The following EHBP1 variants were observed in gnomAD, a reference collection of about 807,000 sequenced individuals.
EHBP1 encodes the protein EH domain binding protein 1, also known as EH domain-binding protein 1.
A neutral mutation model predicts 144.0 loss-of-function variants in EHBP1; 55 were observed. That is an observed-to-expected ratio of 0.38 (90% CI 0.31 to 0.48). The LOEUF is 0.48. EHBP1 is among the 20% of genes least tolerant of loss of function. EHBP1 has a pLI of 0.98. For synonymous variants in EHBP1, 469 were observed against 472.7 expected (o/e 0.99, Z 0.10); for missense variants, 1,200 against 1,364.2 (o/e 0.88, Z 1.90).
At chr2:63,000,881 G>A (rs1213105804) in intron 19 of EHBP1, among the ~76,000 whole-genome samples, 1 of 151,944 alleles carries the variant, frequency 6.6e-6, no homozygotes, top group Non-Finnish European at 1.5e-5. Flanking sequence ...TTAGTTTCTA[G>A]TACTTTAACT....
chr2:62,996,851 GA>G (rs1336582047), intron 19 of EHBP1, 85 bp downstream of exon 19: 1 of 1,555,722 alleles, frequency 6.4e-7, no homozygotes, highest in African/African-American at 1.4e-5. Context: ...GTGAATCTTT[GA>G]AGCCTGAATG....
chr2:62,989,355 A>G (rs925445403), intron 15 of EHBP1, among the ~76,000 whole-genome samples: 2 of 152,136 alleles, frequency 1.3e-5, no homozygotes, highest in African/African-American at 4.8e-5. Flanking sequence ...TGGAAGTATA[A>G]AAGCATAAAA....
chr2:62,747,589 A>G, intron 3 of EHBP1, 137 bp downstream of exon 3: 1 of 683,092 alleles, frequency 1.5e-6, no homozygotes, highest in Non-Finnish European at 2.5e-6. Flanking sequence ...AAATGGATTG[A>G]TCAGATGCTA....
At chr2:62,885,908 T>C (rs887190872) in intron 10 of EHBP1, among the ~76,000 whole-genome samples, 11 of 152,222 alleles carry the variant, frequency 7.2e-5, no homozygotes, top group African/African-American at 2.4e-4. Flanking sequence ...CTGTATCTTA[T>C]GGCTCAGCTA....
chr2:62,888,524 A>G (rs2052137849), intron 10 of EHBP1, among the ~76,000 whole-genome samples: 1 of 152,234 alleles, frequency 6.6e-6, no homozygotes, highest in African/African-American at 2.4e-5. Flanking sequence ...TGAGAATTGA[A>G]TTACCATTTT....
Position 62,745,080 on chromosome 2 carries a change from T to C in EHBP1, c.105-2315T>C, listed in dbSNP as rs374084402. ...TTGGATGAGTTGCAGAGATGATGTA[T>C]TATATAGCTACTGGCTTCAGTTGGA... On this transcript the variant is annotated intron_variant, in intron 2 of 22. Transcript: ENST00000431489. Among the ~76,000 whole-genome samples the C allele has an allele frequency of 3.9e-4, 60 of 152,258 alleles. No homozygotes were observed. In the East Asian group the frequency reaches 9.3e-3, roughly 24 times the overall value.
chr2:62,892,302 T>A (rs765110119), intron 10 of EHBP1, among the ~76,000 whole-genome samples: 17 of 152,120 alleles, frequency 1.1e-4, no homozygotes, highest in Non-Finnish European at 2.4e-4. Context: ...AGGTGGGTGT[T>A]TTTTGGTTTT....
At chr2:62,843,982 T>C (rs2048112482) in intron 7 of EHBP1, among the ~76,000 whole-genome samples, 1 of 152,210 alleles carries the variant, frequency 6.6e-6, no homozygotes, top group South Asian at 2.1e-4. Flanking sequence ...TTCCTGTTAA[T>C]TATATCTTAA....
At chr2:62,841,321 C>T (rs2047832723) in intron 7 of EHBP1, among the ~76,000 whole-genome samples, 1 of 129,508 alleles carries the variant, frequency 7.7e-6, no homozygotes, top group Admixed American at 9.8e-5. Flanking sequence ...AGGGGAATAT[C>T]ACACTCTGGG....
intron 2 of EHBP1, among the ~76,000 whole-genome samples, chr2:62,743,464 T>C (rs1431995569): frequency 2.0e-5 from 3 of 152,118 alleles, no homozygotes; most frequent in Non-Finnish European, 4.4e-5. Flanking sequence ...CCCCACTAGA[T>C]TGTGAACTTC....
At chr2:62,784,656 C>G (rs1252205174) in intron 5 of EHBP1, among the ~76,000 whole-genome samples, 1 of 152,108 alleles carries the variant, frequency 6.6e-6, no homozygotes, top group Non-Finnish European at 1.5e-5. Context: ...AGAATGGGGT[C>G]TGAGGTAAGC....
chr2:62,820,172 A>G (rs2045800866), intron 5 of EHBP1, among the ~76,000 whole-genome samples: 1 of 150,168 alleles, frequency 6.7e-6, no homozygotes, highest in African/African-American at 2.4e-5. Flanking sequence ...GATCGTGCCA[A>G]TGCGCTCTAG....
intron 19 of EHBP1, among the ~76,000 whole-genome samples, chr2:63,021,656 G>C (rs1168016476): frequency 6.6e-6 from 1 of 152,188 alleles, no homozygotes; most frequent in Non-Finnish European, 1.5e-5. Context: ...AATGACATCA[G>C]AGATGGATAA....
chr2:62,842,096 T>G (rs2047933346), intron 7 of EHBP1, among the ~76,000 whole-genome samples: 1 of 150,270 alleles, frequency 6.7e-6, no homozygotes, highest in Non-Finnish European at 1.5e-5. Flanking sequence ...CTCAAAGCCT[T>G]TTTTTTTTGA....
intron 5 of EHBP1, among the ~76,000 whole-genome samples, chr2:62,820,397 T>C (rs1439508086): frequency 6.6e-6 from 1 of 151,930 alleles, no homozygotes; most frequent in Non-Finnish European, 1.5e-5. Flanking sequence ...CAGACATCTT[T>C]AAGTGTACAA....
Position 62,847,305 on chromosome 2 carries a change from G to A in EHBP1, c.635-11864G>A, listed in dbSNP as rs1367192461. On this transcript the variant is annotated intron_variant, in intron 7 of 22. Coordinates refer to ENST00000431489, the MANE Select transcript of EHBP1 (RefSeq NM_001142616.3). ...CCACCTCTCCACATACATTAATTCA[G>A]TGTGTTCATTATAATTAATAGCAAA... is the stretch of plus-strand genomic sequence containing the variant. Among the ~76,000 whole-genome samples, 3 of 152,158 alleles carry A rather than the reference G, an allele frequency of 2.0e-5. No individual in the cohort carries two copies. The East Asian group carries it at 5.8e-4, about 29-fold the overall frequency.
chr2:63,011,515 A>T (rs1478214975), intron 19 of EHBP1, among the ~76,000 whole-genome samples: 1 of 151,926 alleles, frequency 6.6e-6, no homozygotes, highest in Admixed American at 6.6e-5. Context: ...GAAAATTGTT[A>T]ATTTGCAGCT....
chr2:62,882,168 T>G (rs1335691561), intron 10 of EHBP1, among the ~76,000 whole-genome samples: 1 of 152,232 alleles, frequency 6.6e-6, no homozygotes, highest in Non-Finnish European at 1.5e-5. Context: ...TGCCTGTATT[T>G]TTATTGTTTT....
intron 10 of EHBP1, among the ~76,000 whole-genome samples, chr2:62,934,529 C>G (rs2056232886): frequency 6.6e-6 from 1 of 152,182 alleles, no homozygotes; most frequent in African/African-American, 2.4e-5. Context: ...ACTTTCAGGA[C>G]AGGAAACATA....
Sources: allele counts gnomAD v4.1 joint callset (sites outside exome capture counted in the v4.1 genomes callset), GRCh38; gene constraint gnomAD v4.1.1; transcripts MANE v1.5; gene names NCBI Gene and HGNC (gene_info 2026-07-23, HGNC 2026-07-21).